The following TMEM80 variants were observed in gnomAD, a reference collection of about 807,000 sequenced individuals.
TMEM80 encodes the protein transmembrane protein 80.
Under a neutral mutation model 13.6 loss-of-function variants are expected in TMEM80, and 16 were observed. That is an observed-to-expected ratio of 1.17 (90% CI 0.79 to 1.78). TMEM80 has a LOEUF of 1.78. TMEM80 is among the 40% of genes most tolerant of loss of function. The pLI, the probability that TMEM80 is intolerant of heterozygous loss-of-function variation, is 0.00. For missense variants in TMEM80, 167 were observed against 184.6 expected, an observed-to-expected ratio of 0.90 and a Z score of 0.55; for synonymous variants, 92 against 89.5, an observed-to-expected ratio of 1.03 and a Z score of -0.16.
chr11:700,071 C>T, intron 2 of TMEM80, 71 bp from the exon 3 acceptor site: 1 of 1,283,802 alleles, frequency 7.8e-7, no homozygotes. Context: ...CAGAACCAGC[C>T]CCTCTTGTTC....
intron 2 of TMEM80, 70 bp from the exon 3 acceptor site, chr11:700,072 C>T (rs1032015107): frequency 3.4e-5 from 44 of 1,310,194 alleles, no homozygotes; most frequent in Non-Finnish European, 4.6e-5. Flanking sequence ...AGAACCAGCC[C>T]CTCTTGTTCA....
intron 1 of TMEM80, among the ~76,000 whole-genome samples, chr11:696,460 G>C (rs1326891308): frequency 6.6e-6 from 1 of 152,188 alleles, no homozygotes; most frequent in African/African-American, 2.4e-5. Flanking sequence ...AACCAGGTTT[G>C]TTTTGTGTAT....
chr11:700,733 G>A (rs1481146016), intron 4 of TMEM80, 26 bp downstream of exon 4: 1 of 1,581,816 alleles, frequency 6.3e-7, no homozygotes. Flanking sequence ...ACACCGTGAA[G>A]AACCTGTCCT....
intron 4 of TMEM80, among the ~76,000 whole-genome samples, chr11:702,545 G>A (rs1052968928): frequency 1.3e-5 from 2 of 152,218 alleles, no homozygotes; most frequent in Admixed American, 6.5e-5. Flanking sequence ...AAATTTTCCA[G>A]AACTGGCCTT....
intron 2 of TMEM80, 66 bp downstream of exon 2, chr11:698,954 C>T: frequency 6.3e-7 from 1 of 1,595,262 alleles, no homozygotes; most frequent in South Asian, 1.1e-5. Context: ...ACAGAGAGCA[C>T]TCGGCCTCAC....
rs1230229665 is a variant in TMEM80, at chr11:700,368, AAC to A, written c.133+137_133+138del. 12 of 870,998 alleles carry A rather than the reference AAC, an allele frequency of 1.4e-5. No homozygotes were observed. The East Asian group carries it at 2.5e-4, about 18-fold the overall frequency. 54.0% of individuals were successfully genotyped at this position (870,998 alleles called of 1,614,324 possible). On this transcript the variant is annotated intron_variant, in intron 3 of 4. Transcript: ENST00000397510. Reference sequence around the variant, plus strand: ...ATGGGGAAACCCCATCTCTACTAAAAACACAAAAAGTAGCCGGGCGTGGTGGT... The same window carrying A: ...ATGGGGAAACCCCATCTCTACTAAAAACAAAAAGTAGCCGGGCGTGGTGGT...
Position 703,980 on chromosome 11 carries a change from T to C in TMEM80, c.*830T>C, listed in dbSNP as rs1269512512. The C allele has an allele frequency of 1.5e-5, 18 of 1,227,982 alleles. No individual in the cohort carries two copies. The South Asian group carries it at 5.2e-4, about 35-fold the overall frequency. 76.1% of individuals were successfully genotyped at this position (1,227,982 alleles called of 1,614,324 possible). A position where few individuals can be genotyped will look rare whatever the true frequency, so the allele number is the denominator to read the frequency against. ...CCATTCCCAGATTTACTATCAGTTC[T>C]CCTTAAAAAGTATCTAAGCTGTTAC... On this transcript the variant is annotated 3_prime_UTR_variant, in exon 5 of 5. Coordinates refer to ENST00000397510, the MANE Select transcript of TMEM80 (RefSeq NM_001042463.3).
At chr11:695,950 G>T in intron 1 of TMEM80, 104 bp downstream of exon 1, 2 of 927,562 alleles carry the variant, frequency 2.2e-6, no homozygotes, top group East Asian at 6.7e-5. Flanking sequence ...ACGGGGCCGT[G>T]CCACCGTCTC....
intron 4 of TMEM80, 52 bp from the exon 5 acceptor site, chr11:702,893 G>A (rs761445328): frequency 1.3e-6 from 2 of 1,535,478 alleles, no homozygotes; most frequent in South Asian, 2.4e-5. Context: ...TGGGCGGTGG[G>A]CTCCAGGGAG....
intron 2 of TMEM80, 69 bp downstream of exon 2, chr11:698,957 G>T (rs1385491397): frequency 6.3e-6 from 10 of 1,591,162 alleles, no homozygotes; most frequent in Non-Finnish European, 8.6e-6. Context: ...GAGAGCACTC[G>T]GCCTCACCCC....
At chr11:701,076 C>G in intron 4 of TMEM80, 1 of 286,392 alleles carries the variant, frequency 3.5e-6, no homozygotes, top group South Asian at 3.9e-5. Flanking sequence ...GGAGAGAGCC[C>G]TGGAGAGTTC....
intron 4 of TMEM80, chr11:700,929 T>G (rs1861426774): frequency 1.7e-6 from 1 of 591,168 alleles, no homozygotes; most frequent in Non-Finnish European, 3.0e-6. Context: ...TGGGAGAGAC[T>G]CTGTGTTTGG....
At chr11:695,944 G>A in intron 1 of TMEM80, 98 bp downstream of exon 1, 1 of 963,728 alleles carries the variant, frequency 1.0e-6, no homozygotes, top group Non-Finnish European at 1.3e-6. Flanking sequence ...GCGCTCACGG[G>A]GCCGTGCCAC....
In TMEM80 at chr11:700,247, A is replaced by T. The variant is rs7482162; in HGVS notation, c.133+12A>T. ...GATCACGTATAAAAGTAAGTCAGGG[A>T]CGGGCACAGTGGCTCACGCCTGTAA... On this transcript the variant is annotated intron_variant, in intron 3 of 4. Coordinates refer to ENST00000397510, the MANE Select transcript of TMEM80 (RefSeq NM_001042463.3). 1 of 1,610,318 alleles carries T rather than the reference A, an allele frequency of 6.2e-7. No individual in the cohort carries two copies. The highest frequency in any genetic ancestry group is 8.5e-7 in the Non-Finnish European group (1 of 1,178,122).
chr11:703,098 A>T lies in TMEM80; in HGVS notation c.380A>T (p.His127Leu). The T allele has an allele frequency of 6.2e-7, 1 of 1,611,532 alleles. No individual in the cohort carries two copies. The highest frequency in any genetic ancestry group is 1.1e-5 in the South Asian group (1 of 90,884). Residue 127 changes from histidine (H) to leucine (L), a missense_variant, in exon 5 of 5, where the codon CAC becomes CTC. Physicochemically the swap from His to Leu is moderately conservative, Grantham distance 99 (BLOSUM62 -3). Coordinates refer to ENST00000397510, the MANE Select transcript of TMEM80 (RefSeq NM_001042463.3). ...WALSATLLAL[H>L]GLEAVLQVVA... ...CTCAGCGCCACGCTCCTGGCCCTTC[A>T]CGGCCTGGAGGCCGTCCTGCAGGTG...
chr11:700,780 AATT>A (rs1233429451), intron 4 of TMEM80, 73 bp downstream of exon 4: 7 of 1,376,972 alleles, frequency 5.1e-6, no homozygotes, highest in Non-Finnish European at 6.2e-6. Context: ...TTTCAAGAGT[AATT>A]ATTTTATAGT....
chr11:701,739 T>C (rs1175766121), intron 4 of TMEM80, among the ~76,000 whole-genome samples: 1 of 152,178 alleles, frequency 6.6e-6, no homozygotes, highest in Non-Finnish European at 1.5e-5. Context: ...TTACCCTGGT[T>C]GGTCTTGAAC....
At chr11:704,789 C>A, downstream of TMEM80, 1 of 561,720 alleles carries the variant, frequency 1.8e-6, no homozygotes, top group Non-Finnish European at 2.8e-6. Context: ...AGGCTCCGCA[C>A]TCAAAATCGT....
intron 2 of TMEM80, chr11:699,679 C>T (rs750554486): frequency 1.4e-4 from 22 of 154,940 alleles, no homozygotes; most frequent in Non-Finnish European, 2.9e-4. Context: ...ACCCAGGAGG[C>T]GGAGGTTGCA....
Sources: allele counts gnomAD v4.1 joint callset (sites outside exome capture counted in the v4.1 genomes callset), GRCh38; gene constraint gnomAD v4.1.1; transcripts MANE v1.5; gene names NCBI Gene and HGNC (gene_info 2026-07-23, HGNC 2026-07-21).